Variants in MACROD2 observed in about 807,000 individuals in gnomAD.
MACROD2 encodes ADP-ribose glycohydrolase MACROD2.
In MACROD2, 36 loss-of-function variants were observed where a neutral mutation model predicts 70.4. That is an observed-to-expected ratio of 0.51 (90% confidence interval 0.39 to 0.68). The LOEUF (loss-of-function observed/expected upper bound fraction) is 0.68, where lower values mean the gene tolerates loss of function less well. Among genes scored for constraint, MACROD2 ranks in the 30% least tolerant of loss-of-function variants. The pLI is 0.00. For missense variants in MACROD2, 496 were observed against 538.4 expected (o/e 0.92, Z 0.78); for synonymous variants, 172 against 178.8 (o/e 0.96, Z 0.30).
chr20:14,365,279 A>G (rs369238144), intron 3 of MACROD2, among the ~76,000 whole-genome samples: 9 of 152,016 alleles, frequency 5.9e-5, no homozygotes, highest in African/African-American at 2.2e-4. Flanking sequence ...GTATTCTCTT[A>G]TAATCATTTT....
At chr20:14,522,845 C>A (rs1460859649) in intron 4 of MACROD2, among the ~76,000 whole-genome samples, 1 of 152,182 alleles carries the variant, frequency 6.6e-6, no homozygotes, top group Non-Finnish European at 1.5e-5. Flanking sequence ...AATAAGGTCA[C>A]TGAGGACAGG....
intron 5 of MACROD2, among the ~76,000 whole-genome samples, chr20:14,764,728 G>A (rs1248984231): frequency 6.6e-6 from 1 of 152,152 alleles, no homozygotes; most frequent in Non-Finnish European, 1.5e-5. Flanking sequence ...CTTAGAAGGG[G>A]AAGAGAATGT....
At chr20:15,008,705 T>G (rs887406942) in intron 5 of MACROD2, among the ~76,000 whole-genome samples, 1 of 152,198 alleles carries the variant, frequency 6.6e-6, no homozygotes, top group Non-Finnish European at 1.5e-5. Context: ...GTAGTTTACG[T>G]AGTAAAATGC....
intron 7 of MACROD2, among the ~76,000 whole-genome samples, chr20:15,432,823 T>C (rs16995734): frequency 0.017 from 2,622 of 152,130 alleles, 69 homozygotes; most frequent in African/African-American, 0.059. Context: ...GAGAATCTTA[T>C]GGTAATGTGT....
rs184461225 is a variant in MACROD2 at position 15,589,380 on chromosome 20, T to G, written c.645+89533T>G. Among the ~76,000 whole-genome samples the G allele has an allele frequency of 2.8e-4, 43 of 152,342 alleles. No homozygotes were observed. The East Asian group carries it at 8.3e-3, about 29-fold the overall frequency. ...AAAATTTTGTTAATAATAAAAACTT[T>G]TTAGGGCACTTTTATTCTCACATCA... On this transcript the variant is annotated intron_variant, in intron 8 of 17. Coordinates refer to ENST00000684519, the MANE Select transcript of MACROD2 (RefSeq NM_001351661.2).
chr20:14,601,138 G>A (rs1462093242), intron 4 of MACROD2, among the ~76,000 whole-genome samples: 1 of 152,216 alleles, frequency 6.6e-6, no homozygotes, highest in South Asian at 2.1e-4. Flanking sequence ...CAAGCACCAG[G>A]GCTGACTTAT....
At chr20:15,596,249 C>T (rs1374653691) in intron 8 of MACROD2, among the ~76,000 whole-genome samples, 1 of 152,164 alleles carries the variant, frequency 6.6e-6, no homozygotes, top group East Asian at 1.9e-4. Context: ...CAGACCCAAG[C>T]CCTGTGTTGA....
At chr20:14,639,328 A>G (rs184424247) in intron 4 of MACROD2, among the ~76,000 whole-genome samples, 2 of 151,756 alleles carry the variant, frequency 1.3e-5, no homozygotes, top group African/African-American at 4.8e-5. Flanking sequence ...ACCTTCTTCA[A>G]CTCTCCCCAT....
intron 10 of MACROD2, among the ~76,000 whole-genome samples, chr20:15,894,731 A>C (rs928615840): frequency 6.6e-6 from 1 of 152,240 alleles, no homozygotes; most frequent in African/African-American, 2.4e-5. Context: ...GTTGTTATCA[A>C]TATGATGATC....
chr20:15,005,365 C>T (rs972614432), intron 5 of MACROD2, among the ~76,000 whole-genome samples: 4 of 152,076 alleles, frequency 2.6e-5, no homozygotes, highest in Non-Finnish European at 5.9e-5. Flanking sequence ...ATGGAAACTT[C>T]CAAGTGTCCT....
chr20:14,826,781 G>T (rs2072907508), intron 5 of MACROD2, among the ~76,000 whole-genome samples: 1 of 152,096 alleles, frequency 6.6e-6, no homozygotes, highest in Non-Finnish European at 1.5e-5. Flanking sequence ...TTGAAATGCG[G>T]ATACACAAGT....
chr20:15,860,821 T>C (rs2064414975), intron 8 of MACROD2, among the ~76,000 whole-genome samples: 3 of 152,198 alleles, frequency 2.0e-5, no homozygotes, highest in Admixed American at 2.0e-4. Flanking sequence ...TGAGGCACTT[T>C]AAATTTTTGG....
chr20:15,879,189 A>G (rs6135584), intron 9 of MACROD2, among the ~76,000 whole-genome samples: 7,243 of 152,098 alleles, frequency 0.048, 353 homozygotes, highest in East Asian at 0.24. Context: ...CTTTTATTTC[A>G]TTTTTGTCCT....
chr20:14,906,064 C>T (rs2073955024), intron 5 of MACROD2: 1 of 152,064 alleles, frequency 6.6e-6, no homozygotes. Flanking sequence ...CAAAGAGGAA[C>T]AAATAAGAAA....
chr20:15,658,727 G>A (rs562833454), intron 8 of MACROD2, among the ~76,000 whole-genome samples: 1 of 152,246 alleles, frequency 6.6e-6, no homozygotes, highest in East Asian at 1.9e-4. Context: ...CAGATGTTGT[G>A]TGCTTTGCAA....
chr20:14,862,810 TG>T (rs1341692123), intron 5 of MACROD2, among the ~76,000 whole-genome samples: 1 of 145,060 alleles, frequency 6.9e-6, no homozygotes, highest in African/African-American at 2.6e-5. Context: ...TCCTTCCTAA[TG>T]GGCACAGAAT....
intron 15 of MACROD2, among the ~76,000 whole-genome samples, chr20:16,032,761 GA>G (rs2067170573): frequency 1.1e-4 from 4 of 35,784 alleles, no homozygotes; most frequent in East Asian, 2.4e-3. Context: ...GAGGAGGGAA[GA>G]GAGGAAGGAA....
chr20:15,831,851 TAAAG>T (rs1160627029), intron 8 of MACROD2, among the ~76,000 whole-genome samples: 1 of 152,200 alleles, frequency 6.6e-6, no homozygotes, highest in African/African-American at 2.4e-5. Flanking sequence ...GCAATCATGT[TAAAG>T]AAAAATAAAA....
In MACROD2 at chr20:14,116,216, A is replaced by G. The variant is rs112656153; in HGVS notation, c.271+30488A>G. Among the ~76,000 whole-genome samples the G allele has an allele frequency of 4.2e-3, 643 of 152,302 alleles. 9 individuals are homozygous for G. Among genetic ancestry groups the G allele is most frequent in the African/African-American group, 0.015 (606 of 41,564 alleles). On this transcript the variant is annotated intron_variant, in intron 3 of 17. Coordinates refer to ENST00000684519, the MANE Select transcript of MACROD2 (RefSeq NM_001351661.2). ...TTTAGAGGATCTTGTCTTCTTGGCT[A>G]TTATTAAAATGCAATTTTTGTCTAA...
Sources: gnomAD v4.1 joint callset for allele counts (sites outside exome capture counted in the v4.1 genomes callset) on GRCh38, gnomAD v4.1.1 for gene constraint, MANE v1.5 for transcripts, NCBI Gene and HGNC (gene_info 2026-07-23, HGNC 2026-07-21) for gene names.